TMEM116: variants seen among roughly 807,000 people sequenced by gnomAD.
The protein encoded by TMEM116 is transmembrane protein 116.
In TMEM116, 38 loss-of-function variants were observed where a neutral mutation model predicts 44.3. That is an observed-to-expected ratio of 0.86 (90% CI 0.66 to 1.12). The LOEUF is 1.12. TMEM116 is among the 50% of genes most tolerant of loss of function. The pLI is 0.00. For missense variants in TMEM116, 354 were observed against 401.7 expected, an observed-to-expected ratio of 0.88 and a Z score of 1.01; for synonymous variants, 132 against 144.8, an observed-to-expected ratio of 0.91 and a Z score of 0.64.
chr12:111,944,693 A>C (rs1199588036), intron 4 of TMEM116, among the ~76,000 whole-genome samples: 1 of 152,170 alleles, frequency 6.6e-6, no homozygotes, highest in Non-Finnish European at 1.5e-5. Flanking sequence ...GTTAAGTATT[A>C]ATCAATGTAT....
intron 4 of TMEM116, among the ~76,000 whole-genome samples, chr12:111,989,181 C>T (rs1020625431): frequency 2.6e-5 from 4 of 152,110 alleles, no homozygotes; most frequent in African/African-American, 4.8e-5. Context: ...GTAAACCAAA[C>T]AGAAGAAGTG....
At chr12:111,970,284 C>CAA (rs751491194) in intron 4 of TMEM116, among the ~76,000 whole-genome samples, 1 of 114,456 alleles carries the variant, frequency 8.7e-6, no homozygotes, top group Non-Finnish European at 1.8e-5. Context: ...ACTCCATCTC[C>CAA]AAAAAAAAAA....
At chr12:111,999,208 T>C (rs2077097489) in intron 3 of TMEM116, among the ~76,000 whole-genome samples, 1 of 150,742 alleles carries the variant, frequency 6.6e-6, no homozygotes, top group Admixed American at 6.6e-5. Flanking sequence ...CCCACATATA[T>C]ATACATTTGT....
chr12:111,949,984 G>A (rs1185997596), intron 4 of TMEM116, among the ~76,000 whole-genome samples: 1 of 152,096 alleles, frequency 6.6e-6, no homozygotes, highest in Non-Finnish European at 1.5e-5. Flanking sequence ...GCATGGTAGT[G>A]CACACCTGTA....
intron 8 of TMEM116, chr12:111,936,488 C>G (rs1310362251): frequency 1.9e-6 from 1 of 520,066 alleles, no homozygotes; most frequent in East Asian, 3.2e-5. Context: ...TAAATACAAG[C>G]TCTTTTCTCT....
chr12:111,966,455 C>A (rs2074992546), intron 4 of TMEM116, among the ~76,000 whole-genome samples: 1 of 152,088 alleles, frequency 6.6e-6, no homozygotes, highest in African/African-American at 2.4e-5. Context: ...ATAGGAAAAT[C>A]AGAAAATTAA....
chr12:111,983,629 T>C (rs896029395), intron 4 of TMEM116, among the ~76,000 whole-genome samples: 2 of 151,948 alleles, frequency 1.3e-5, no homozygotes, highest in East Asian at 1.9e-4. Flanking sequence ...AATAATAGTT[T>C]AGAAATAGAA....
At chr12:112,000,683 A>T (rs1233309320) in intron 3 of TMEM116, 1 of 507,358 alleles carries the variant, frequency 2.0e-6, no homozygotes, top group Non-Finnish European at 4.0e-6. Flanking sequence ...ATAATGACCT[A>T]AATAATAACT....
rs2072232794 is a variant in TMEM116, at chr12:111,937,148, G to A, written c.449+12C>T. On this transcript the variant is annotated intron_variant, in intron 7 of 10. Coordinates refer to ENST00000552374, the MANE Select transcript of TMEM116 (RefSeq NM_001193531.2). ...GTCTGCCATGAAAATTATACATTTA[G>A]TTCTTACTTACTTGTGGCTCTGACT... is the stretch of plus-strand genomic sequence containing the variant. The A allele has an allele frequency of 6.2e-7, 1 of 1,601,244 alleles. No individual in the cohort carries two copies. The highest frequency in any genetic ancestry group is 1.7e-5 in the Admixed American group (1 of 59,976).
chr12:111,983,350 C>T (rs1351735229), intron 4 of TMEM116, among the ~76,000 whole-genome samples: 1 of 151,746 alleles, frequency 6.6e-6, no homozygotes, highest in Admixed American at 6.6e-5. Flanking sequence ...GCAGGAGAAT[C>T]GCTTGAGCCT....
At chr12:111,950,879 A>G (rs1426268432) in intron 4 of TMEM116, among the ~76,000 whole-genome samples, 2 of 152,228 alleles carry the variant, frequency 1.3e-5, no homozygotes, top group Non-Finnish European at 2.9e-5. Context: ...AGAAATTACC[A>G]ACAGAGTAAA....
chr12:111,968,992 CA>C (rs1176204219), intron 4 of TMEM116, among the ~76,000 whole-genome samples: 629 of 45,190 alleles, frequency 0.014, 3 homozygotes, highest in Middle Eastern at 0.026. Flanking sequence ...GACTCTATCT[CA>C]AAAAAAAAAA....
At chr12:111,985,102 G>A (rs80218148) in intron 4 of TMEM116, among the ~76,000 whole-genome samples, 16 of 152,172 alleles carry the variant, frequency 1.1e-4, no homozygotes, top group Non-Finnish European at 1.8e-4. Flanking sequence ...TTTCTTCTAA[G>A]TTCAGAACAA....
chr12:112,004,227 C>G (rs562479397), intron 2 of TMEM116, among the ~76,000 whole-genome samples: 88 of 142,570 alleles, frequency 6.2e-4, no homozygotes, highest in African/African-American at 2.1e-3. Flanking sequence ...GTGATCTTCC[C>G]ACTTTGGCCT....
intron 4 of TMEM116, among the ~76,000 whole-genome samples, chr12:111,979,125 G>GA (rs1329583927): frequency 6.6e-6 from 1 of 151,910 alleles, no homozygotes; most frequent in Non-Finnish European, 1.5e-5. Flanking sequence ...ATCCATGAAA[G>GA]AAAAAATGGA....
chr12:111,951,405 T>C (rs546377635), intron 4 of TMEM116, among the ~76,000 whole-genome samples: 28 of 152,316 alleles, frequency 1.8e-4, no homozygotes, highest in African/African-American at 6.5e-4. Context: ...AGCAAAGACA[T>C]AGAATCAACC....
intron 3 of TMEM116, chr12:111,993,374 C>T: frequency 1.9e-6 from 1 of 537,634 alleles, no homozygotes; most frequent in South Asian, 1.4e-5. Flanking sequence ...CTTTCATTGG[C>T]CACTCCATGC....
intron 4 of TMEM116, among the ~76,000 whole-genome samples, chr12:111,963,167 A>C (rs2074723164): frequency 6.6e-6 from 1 of 152,150 alleles, no homozygotes; most frequent in African/African-American, 2.4e-5. Context: ...AACAACAGAT[A>C]CTGGAGAGGA....
intron 4 of TMEM116, among the ~76,000 whole-genome samples, chr12:111,987,175 C>T (rs760789157): frequency 1.3e-5 from 2 of 152,026 alleles, no homozygotes; most frequent in Non-Finnish European, 2.9e-5. Context: ...AGAACTCTTA[C>T]AGCTCAGTAA....
Sources: allele counts gnomAD v4.1 joint callset (sites outside exome capture counted in the v4.1 genomes callset), GRCh38; gene constraint gnomAD v4.1.1; transcripts MANE v1.5; gene names NCBI Gene and HGNC (gene_info 2026-07-23, HGNC 2026-07-21).